GPR158: variants seen among roughly 807,000 people sequenced by gnomAD.
The protein encoded by GPR158 is G protein-coupled receptor 158.
Under a neutral mutation model 78.2 loss-of-function variants are expected in GPR158, and 30 were observed. The ratio of observed to expected loss-of-function variants is 0.38; its 90% CI spans 0.29 to 0.52. The LOEUF (loss-of-function observed/expected upper bound fraction) is 0.52. Ranked by LOEUF, GPR158 falls within the 20% of genes least tolerant of loss-of-function variation. The pLI is 0.83. For synonymous variants in GPR158, 581 were observed against 591.1 expected (o/e 0.98, Z 0.25); for missense variants, 1,463 against 1,523.5 (o/e 0.96, Z 0.66).
intron 1 of GPR158, among the ~76,000 whole-genome samples, chr10:25,190,785 G>C (rs1207151453): frequency 1.3e-5 from 2 of 152,116 alleles, no homozygotes; most frequent in Non-Finnish European, 2.9e-5. Context: ...TAAGCTTCAT[G>C]GTGCAAATTA....
At chr10:25,475,415 T>G (rs1243995969) in intron 5 of GPR158, 1 of 152,148 alleles carries the variant, frequency 6.6e-6, no homozygotes, top group East Asian at 1.9e-4. Flanking sequence ...ACTCTGTACC[T>G]TGGTTTTTAA....
At chr10:25,420,428 C>A (rs1023805597) in intron 4 of GPR158, among the ~76,000 whole-genome samples, 1 of 152,134 alleles carries the variant, frequency 6.6e-6, no homozygotes, top group African/African-American at 2.4e-5. Flanking sequence ...GCTGGGATTA[C>A]CAGCATGAGC....
intron 5 of GPR158, among the ~76,000 whole-genome samples, chr10:25,544,301 G>T (rs79937477): frequency 0.016 from 1,965 of 119,968 alleles, 40 homozygotes; most frequent in Admixed American, 0.063. Context: ...TTTTTTTTTT[G>T]TGATACATAT....
At chr10:25,575,457 C>T in intron 7 of GPR158, among the ~76,000 whole-genome samples, 1 of 152,126 alleles carries the variant, frequency 6.6e-6, no homozygotes, top group East Asian at 1.9e-4. Flanking sequence ...GCAGCGGCAT[C>T]ACCTGGGGAC....
chr10:25,571,667 G>A lies in GPR158; in HGVS notation c.1515-982G>A, dbSNP rs116095124. On this transcript the variant is annotated intron_variant, in intron 6 of 10. Transcript: ENST00000376351. ...ATGGGATAGGGAGTTAAAATCAGCCGAGAATATTCTAGAAATGAAATTGAA... is the reference window on the plus strand; with the variant it reads ...ATGGGATAGGGAGTTAAAATCAGCCAAGAATATTCTAGAAATGAAATTGAA... 8.0e-3 allele frequency among the ~76,000 whole-genome samples: 1,216 copies of A among 152,144 alleles called. 15 individuals are homozygous for A. Among genetic ancestry groups the A allele is most frequent in the African/African-American group, 0.027 (1,125 of 41,514 alleles).
In GPR158 at chr10:25,554,386, C is replaced by T. The variant is rs143974047; in HGVS notation, c.1514+3301C>T. Reference sequence around the variant, plus strand: ...AGTTTTTGTTTTATTTCAGCCATTTCCCTTCTGGCTTAGTGGAATTATTAG... The same window carrying T: ...AGTTTTTGTTTTATTTCAGCCATTTTCCTTCTGGCTTAGTGGAATTATTAG... On this transcript the variant is annotated intron_variant, in intron 6 of 10. Coordinates refer to ENST00000376351, the MANE Select transcript of GPR158 (RefSeq NM_020752.3). Among the ~76,000 whole-genome samples the T allele has an allele frequency of 6.7e-3, 1,016 of 152,190 alleles. 13 individuals carry two copies. Among genetic ancestry groups the T allele is most frequent in the African/African-American group, 0.023 (965 of 41,530 alleles).
chr10:25,311,772 A>G (rs1854768650), intron 2 of GPR158, among the ~76,000 whole-genome samples: 1 of 152,034 alleles, frequency 6.6e-6, no homozygotes, highest in Non-Finnish European at 1.5e-5. Context: ...AGAATATTCC[A>G]AATGTTCATT....
chr10:25,220,354 C>T (rs1017189263), intron 1 of GPR158, among the ~76,000 whole-genome samples: 3 of 152,148 alleles, frequency 2.0e-5, no homozygotes, highest in African/African-American at 2.4e-5. Flanking sequence ...GGAATTTTAG[C>T]CCAACTTGGA....
intron 2 of GPR158, among the ~76,000 whole-genome samples, chr10:25,331,250 CTATTTT>C (rs1180481580): frequency 1.3e-5 from 2 of 152,146 alleles, no homozygotes; most frequent in Non-Finnish European, 2.9e-5. Context: ...TAATAAATGC[CTATTTT>C]TATTTTTAAG....
chr10:25,489,955 A>G (rs1186340427), intron 5 of GPR158, among the ~76,000 whole-genome samples: 1 of 152,066 alleles, frequency 6.6e-6, no homozygotes, highest in Non-Finnish European at 1.5e-5. Context: ...TGACTAGTAC[A>G]CAGACAGCAA....
Position 25,498,953 on chromosome 10 carries a change from G to A in GPR158, c.1404+32234G>A, listed in dbSNP as rs530252550. On this transcript the variant is annotated intron_variant, in intron 5 of 10. Coordinates refer to ENST00000376351, the MANE Select transcript of GPR158 (RefSeq NM_020752.3). ...TTTCGGAACCCTACAAGCCTGCAGG[G>A]CCTCTTCTCGTGGCCTAAGGATGCC... Among the ~76,000 whole-genome samples, 9 of 152,218 alleles carry A rather than the reference G, an allele frequency of 5.9e-5. No individual in the cohort carries two copies. In the East Asian group the frequency reaches 1.7e-3, roughly 30 times the overall value.
intron 5 of GPR158, among the ~76,000 whole-genome samples, chr10:25,476,759 C>T (rs1773636): frequency 0.44 from 66,278 of 151,824 alleles, 15,419 homozygotes; most frequent in East Asian, 0.74. Flanking sequence ...GAATGTGATA[C>T]TCAAATGACA....
At chr10:25,451,978 G>A (rs1835224735) in intron 4 of GPR158, among the ~76,000 whole-genome samples, 1 of 152,076 alleles carries the variant, frequency 6.6e-6, no homozygotes, top group East Asian at 1.9e-4. Context: ...CTAGATGGAT[G>A]TATTTCCCCA....
chr10:25,245,594 C>G (rs147799626), intron 2 of GPR158, among the ~76,000 whole-genome samples: 47 of 152,164 alleles, frequency 3.1e-4, no homozygotes, highest in African/African-American at 1.0e-3. Flanking sequence ...TGACAATCTC[C>G]AAGATTGTGG....
At chr10:25,220,178 G>A (rs1269868272) in intron 1 of GPR158, among the ~76,000 whole-genome samples, 1 of 152,126 alleles carries the variant, frequency 6.6e-6, no homozygotes, top group Non-Finnish European at 1.5e-5. Flanking sequence ...TAAAGCTTCA[G>A]GGCCCAGGAT....
At position 25,239,375 on chromosome 10, in the gene GPR158, CAGATCTCCTGAG is replaced by C. The variant is rs1454420441; in HGVS notation, c.1008+18233_1008+18244del. ...CAGCACTTTGAGAACCCGAGGCAGG[CAGATCTCCTGAG>C]AGATCTCCTGAGAGTTTGAGACCAA... On this transcript the variant is annotated intron_variant, in intron 2 of 10. Coordinates refer to ENST00000376351, the MANE Select transcript of GPR158 (RefSeq NM_020752.3). Among the ~76,000 whole-genome samples, 15 of 152,052 alleles carry C rather than the reference CAGATCTCCTGAG, an allele frequency of 9.9e-5. No individual in the cohort carries two copies. In the South Asian group the frequency reaches 1.0e-3, roughly 11 times the overall value.
chr10:25,502,396 T>G (rs910362328), intron 5 of GPR158, among the ~76,000 whole-genome samples: 9 of 152,114 alleles, frequency 5.9e-5, no homozygotes, highest in Non-Finnish European at 1.2e-4. Flanking sequence ...GAGGTAACTG[T>G]GGGGTACAAC....
At chr10:25,223,926 C>T (rs556804943) in intron 2 of GPR158, among the ~76,000 whole-genome samples, 4 of 152,218 alleles carry the variant, frequency 2.6e-5, no homozygotes, top group South Asian at 4.1e-4. Flanking sequence ...ATTTTTCTAG[C>T]GATGTTGGAA....
intron 2 of GPR158, among the ~76,000 whole-genome samples, chr10:25,310,418 G>A (rs945337322): frequency 2.0e-5 from 3 of 151,982 alleles, no homozygotes; most frequent in African/African-American, 7.2e-5. Context: ...GTGGATTTTT[G>A]TGTTTTCGAA....
Sources: allele counts gnomAD v4.1 joint callset (sites outside exome capture counted in the v4.1 genomes callset), GRCh38; gene constraint gnomAD v4.1.1; transcripts MANE v1.5; gene names NCBI Gene and HGNC (gene_info 2026-07-23, HGNC 2026-07-21).